PTPRR: variants seen among roughly 807,000 people sequenced by gnomAD.
The protein encoded by PTPRR is protein tyrosine phosphatase receptor type R.
A neutral mutation model predicts 77.2 loss-of-function variants in PTPRR; 38 were observed. The observed-to-expected ratio is 0.49, with a 90% CI of 0.38 to 0.65. The LOEUF is 0.65. PTPRR is among the 30% of genes least tolerant of loss of function. The pLI, the probability that PTPRR is intolerant of heterozygous loss-of-function variation, is 0.00. For missense variants in PTPRR, 744 were observed against 799.2 expected, an observed-to-expected ratio of 0.93 and a Z score of 0.83; for synonymous variants, 299 against 283.1, an observed-to-expected ratio of 1.06 and a Z score of -0.57.
intron 2 of PTPRR, among the ~76,000 whole-genome samples, chr12:70,861,631 G>T (rs868421058): frequency 2.0e-5 from 3 of 152,130 alleles, no homozygotes; most frequent in African/African-American, 4.8e-5. Flanking sequence ...AGTTGGGGCT[G>T]TGTTCTAGGC....
chr12:70,763,287 C>G (rs1230897612), intron 3 of PTPRR, among the ~76,000 whole-genome samples: 3 of 151,938 alleles, frequency 2.0e-5, no homozygotes, highest in African/African-American at 7.3e-5. Flanking sequence ...TGCCACCATG[C>G]CCGGCCAATT....
chr12:70,822,717 G>T (rs574282160), intron 2 of PTPRR, among the ~76,000 whole-genome samples: 47 of 152,182 alleles, frequency 3.1e-4, no homozygotes, highest in African/African-American at 1.1e-3. Flanking sequence ...ATCAAGGCAG[G>T]GTTGCCAATA....
chr12:70,779,709 G>A (rs897177968), intron 2 of PTPRR, among the ~76,000 whole-genome samples: 1 of 152,126 alleles, frequency 6.6e-6, no homozygotes, highest in Non-Finnish European at 1.5e-5. Flanking sequence ...ATAAATTCTT[G>A]TAAAATGAAG....
At chr12:70,677,026 TATTA>T (rs1887475472) in intron 10 of PTPRR, among the ~76,000 whole-genome samples, 1 of 152,150 alleles carries the variant, frequency 6.6e-6, no homozygotes, top group Admixed American at 6.5e-5. Flanking sequence ...ATTTTAACAA[TATTA>T]ATTATTCCAC....
intron 2 of PTPRR, among the ~76,000 whole-genome samples, chr12:70,819,270 G>T (rs1364397923): frequency 6.6e-6 from 1 of 152,150 alleles, no homozygotes; most frequent in African/African-American, 2.4e-5. Context: ...GCACCACTGC[G>T]CTCCAGCCTG....
chr12:70,724,037 T>G (rs1306006044), intron 6 of PTPRR, among the ~76,000 whole-genome samples: 1 of 152,178 alleles, frequency 6.6e-6, no homozygotes, highest in African/African-American at 2.4e-5. Flanking sequence ...AGCAAAATGT[T>G]TGCAAAATAT....
chr12:70,794,403 A>C (rs1317276853), intron 2 of PTPRR, among the ~76,000 whole-genome samples: 1 of 152,200 alleles, frequency 6.6e-6, no homozygotes, highest in Non-Finnish European at 1.5e-5. Context: ...ATTTGTCCTA[A>C]GTGACATGAG....
rs186449974 is a variant in PTPRR, at chr12:70,686,435, T to C, written c.1280-1652A>G. On this transcript the variant is annotated intron_variant, in intron 8 of 13. Transcript: ENST00000283228. ...TTTCAGAAAAAGGCTAACCAGCCCATGAGGACGGTGATGGTTTAAAAATGT... is the reference window on the plus strand; with the variant it reads ...TTTCAGAAAAAGGCTAACCAGCCCACGAGGACGGTGATGGTTTAAAAATGT... Among the ~76,000 whole-genome samples, 32 of 152,328 alleles carry C rather than the reference T, an allele frequency of 2.1e-4. 1 individual carries two copies. The highest frequency in any genetic ancestry group is 2.0e-3 in the Admixed American group (31 of 15,294).
At chr12:70,861,198 T>C (rs1892747155) in intron 2 of PTPRR, among the ~76,000 whole-genome samples, 1 of 152,154 alleles carries the variant, frequency 6.6e-6, no homozygotes, top group Non-Finnish European at 1.5e-5. Flanking sequence ...AAAGTCCTCT[T>C]GGCCTAGCAG....
chr12:70,733,864 C>G (rs1046044745), intron 6 of PTPRR, among the ~76,000 whole-genome samples: 1 of 152,196 alleles, frequency 6.6e-6, no homozygotes, highest in Admixed American at 6.5e-5. Context: ...CTCTAGAGGT[C>G]ATGTGCTAAT....
downstream of PTPRR, chr12:70,638,075 A>G (rs1165904710): frequency 6.6e-6 from 1 of 152,456 alleles, no homozygotes; most frequent in Non-Finnish European, 1.5e-5. Context: ...TGCTTTACTC[A>G]GTATTTAGTA....
intron 2 of PTPRR, among the ~76,000 whole-genome samples, chr12:70,829,806 T>C (rs1296318205): frequency 1.3e-5 from 2 of 152,178 alleles, no homozygotes; most frequent in African/African-American, 2.4e-5. Context: ...CATAGGTGCA[T>C]AGAAAGTAAG....
intron 2 of PTPRR, among the ~76,000 whole-genome samples, chr12:70,857,124 T>A (rs1038240214): frequency 1.3e-5 from 2 of 152,126 alleles, no homozygotes; most frequent in African/African-American, 4.8e-5. Flanking sequence ...GTTTTGGGAA[T>A]CATCAGTAAA....
chr12:70,820,917 ACT>A (rs1418667586), intron 2 of PTPRR, among the ~76,000 whole-genome samples: 24 of 151,646 alleles, frequency 1.6e-4, no homozygotes, highest in African/African-American at 5.8e-4. Flanking sequence ...TAAGTCCTCA[ACT>A]CTCTTTGTTG....
At chr12:70,806,730 G>T (rs976656758) in intron 2 of PTPRR, among the ~76,000 whole-genome samples, 1 of 152,076 alleles carries the variant, frequency 6.6e-6, no homozygotes, top group Non-Finnish European at 1.5e-5. Flanking sequence ...CGGAATCGTA[G>T]TTCCCATTTC....
chr12:70,725,500 C>A (rs887654667), intron 6 of PTPRR, among the ~76,000 whole-genome samples: 1 of 152,026 alleles, frequency 6.6e-6, no homozygotes, highest in African/African-American at 2.4e-5. Context: ...GTCCCCCCAC[C>A]TCCCCAATGT....
At chr12:70,825,396 C>T (rs1892092177) in intron 2 of PTPRR, among the ~76,000 whole-genome samples, 2 of 152,108 alleles carry the variant, frequency 1.3e-5, no homozygotes, top group African/African-American at 2.4e-5. Flanking sequence ...CCCAAGAGTG[C>T]CCACTCACAA....
At chr12:70,763,305 T>C (rs1464316975) in intron 3 of PTPRR, among the ~76,000 whole-genome samples, 3 of 152,006 alleles carry the variant, frequency 2.0e-5, no homozygotes, top group African/African-American at 4.8e-5. Context: ...ATTTTTTGTA[T>C]TTTAAGTAGT....
chr12:70,788,761 T>C (rs1201823584), intron 2 of PTPRR: 10 of 1,189,986 alleles, frequency 8.4e-6, no homozygotes, highest in Non-Finnish European at 1.1e-5. Flanking sequence ...TTTACCCTCC[T>C]AAGCTCTTAA....
Sources: gnomAD v4.1 joint callset for allele counts (sites outside exome capture counted in the v4.1 genomes callset) on GRCh38, gnomAD v4.1.1 for gene constraint, MANE v1.5 for transcripts, NCBI Gene and HGNC (gene_info 2026-07-23, HGNC 2026-07-21) for gene names.